The following KY variants were observed in gnomAD, a reference collection of about 807,000 sequenced individuals.
The protein encoded by KY is kyphoscoliosis peptidase.
A neutral mutation model predicts 76.1 loss-of-function variants in KY; 43 were observed. The ratio of observed to expected loss-of-function variants is 0.57; its 90% CI spans 0.44 to 0.73. The LOEUF (loss-of-function observed/expected upper bound fraction) is 0.73. Ranked by LOEUF, KY falls within the 30% of genes least tolerant of loss-of-function variation. The pLI is 0.00. For synonymous variants in KY, 277 were observed against 326.2 expected (o/e 0.85, Z 1.63); for missense variants, 722 against 828.9 (o/e 0.87, Z 1.58).
chr3:134,639,085 T>TTC (rs1553816095), intron 3 of KY, among the ~76,000 whole-genome samples: 1 of 151,226 alleles, frequency 6.6e-6, no homozygotes, highest in African/African-American at 2.4e-5. Context: ...TTTTTTTTTT[T>TTC]CCTGCAGTAG....
chr3:134,626,505 T>C (rs1468831807), intron 5 of KY, among the ~76,000 whole-genome samples: 3 of 152,124 alleles, frequency 2.0e-5, no homozygotes, highest in Admixed American at 1.3e-4. Context: ...CCTCTGCAGG[T>C]ACATGCAGGG....
intron 2 of KY, 73 bp from the exon 3 acceptor site, chr3:134,643,451 G>A: frequency 3.0e-6 from 4 of 1,333,512 alleles, no homozygotes; most frequent in Non-Finnish European, 3.2e-6. Flanking sequence ...AGAGCTGTAT[G>A]TGTTTGCGGG....
In KY at chr3:134,603,301, G is replaced by C; in HGVS notation, c.*278C>G. On this transcript the variant is annotated 3_prime_UTR_variant, in exon 11 of 11. Transcript: ENST00000423778. The stretch of plus-strand genomic sequence containing the variant: ...AGCACTAATACGAGAAGGGGCATCT[G>C]GATGCAGGTGTACAGTTTACAATAC... The C allele has an allele frequency of 3.2e-6, 1 of 316,538 alleles. No homozygotes were observed. The highest frequency in any genetic ancestry group is 5.8e-6 in the Non-Finnish European group (1 of 173,216). 19.6% of individuals were successfully genotyped at this position (316,538 alleles called of 1,614,324 possible).
intron 6 of KY, among the ~76,000 whole-genome samples, chr3:134,622,324 G>A (rs536245447): frequency 8.7e-4 from 132 of 152,268 alleles, no homozygotes; most frequent in Middle Eastern, 3.4e-3. Flanking sequence ...ATCCATGAAT[G>A]AAAGGATAAA....
In KY at chr3:134,603,715, A is replaced by G; in HGVS notation, c.1850T>C (p.Leu617Pro). 1 of 1,613,788 alleles carries G rather than the reference A, an allele frequency of 6.2e-7. No individual in the cohort carries two copies. The highest frequency in any genetic ancestry group is 8.5e-7 in the Non-Finnish European group (1 of 1,179,778). Residue 617 changes from leucine to proline, a missense_variant, in exon 11 of 11, where the codon CTG (leucine) becomes CCG (proline). Leu to Pro is a moderately conservative substitution (Grantham distance 98, BLOSUM62 -3). Around this residue, in one of 2 missense-constraint regions of KY, gnomAD observed 552 missense variants for 680.9 expected, o/e 0.81. Transcript: ENST00000423778. The part of the protein sequence containing the change: ...VLVKGQDTWP[L>P]TLNHEGYWEG... ...CCAGTAGCCCTCGTGGTTCAGGGTC[A>G]GGGGCCATGTGTCCTGCCCCTTCAC...
rs754372668 is a variant in KY at position 134,650,866 on chromosome 3, T to C, written c.95A>G (p.Asp32Gly). The change falls in exon 1 of 11, where the codon GAC becomes GGC. Residue 32 changes from aspartate to glycine, a missense_variant. By Grantham distance (94) the Asp-to-Gly change is moderately conservative. This residue lies in a region of KY where 170 missense variants were observed against 148.1 expected (regional missense o/e 1.15). Coordinates refer to ENST00000423778, the MANE Select transcript of KY (RefSeq NM_178554.6). ...KRRAAQGTLS[D>G]QQANPSSLLQ... The stretch of plus-strand genomic sequence containing the variant: ...CAGCGAGCTCGGGTTCGCCTGCTGG[T>C]CTGAGAGCGTACCCTGTGCGGCGCG... The C allele has an allele frequency of 1.2e-6, 2 of 1,611,634 alleles. No homozygotes were observed. Among genetic ancestry groups the C allele is most frequent in the African/African-American group, 2.7e-5 (2 of 74,700 alleles).
intron 3 of KY, among the ~76,000 whole-genome samples, chr3:134,631,690 A>G (rs1964260573): frequency 6.6e-6 from 1 of 152,184 alleles, no homozygotes; most frequent in African/African-American, 2.4e-5. Flanking sequence ...TACATATAAT[A>G]CATACAAAAA....
At chr3:134,608,886 G>A in intron 9 of KY, 47 bp from the exon 10 acceptor site, 1 of 1,565,774 alleles carries the variant, frequency 6.4e-7, no homozygotes, top group East Asian at 2.3e-5. Context: ...TGCAGGGGAG[G>A]CAGGGGCCCA....
chr3:134,600,037 TC>T lies in KY; in HGVS notation c.*3541del, dbSNP rs765699863. 3.3e-5 allele frequency among the ~76,000 whole-genome samples: 5 copies of T among 152,210 alleles called. No individual in the cohort carries two copies. The highest frequency in any genetic ancestry group is 7.3e-5 in the Non-Finnish European group (5 of 68,028). On this transcript the variant is annotated 3_prime_UTR_variant, in exon 11 of 11. Coordinates refer to ENST00000423778, the MANE Select transcript of KY (RefSeq NM_178554.6). ...TCAATGCACACATTATGAGAAGTAA[TC>T]ACCTCTTTCAATTGCCGACTACTTA...
At chr3:134,618,827 C>G (rs969410781) in intron 8 of KY, among the ~76,000 whole-genome samples, 2 of 152,182 alleles carry the variant, frequency 1.3e-5, no homozygotes, top group African/African-American at 4.8e-5. Flanking sequence ...ACTGTCCTCC[C>G]GCTCCCAGGC....
intron 3 of KY, among the ~76,000 whole-genome samples, chr3:134,640,543 A>G (rs2107987387): frequency 6.6e-6 from 1 of 152,284 alleles, no homozygotes. Flanking sequence ...TAGAGCTTCC[A>G]AGAAGGCTTC....
Position 134,604,473 on chromosome 3 carries a change from C to A in KY, c.1092G>T (p.Val364=). 1 of 1,600,162 alleles carries A rather than the reference C, an allele frequency of 6.2e-7. No homozygotes were observed. The highest frequency in any genetic ancestry group is 1.7e-5 in the Admixed American group (1 of 59,374). ...CAATGGTGACCGTGGCCTTCCCATT[C>A]ACTGAGGAGAGAAAGTCAGGGTCAG... The part of the protein sequence containing the change: ...AHPETSMIRT[V]NGKATVTIES... The change falls in exon 11 of 11, where the codon GTG becomes GTT. Residue 364 remains valine, a splice_region_variant and synonymous_variant. Coordinates refer to ENST00000423778, the MANE Select transcript of KY (RefSeq NM_178554.6).
Position 134,624,328 on chromosome 3 carries a change from T to C in KY, c.483+725A>G, listed in dbSNP as rs1267521533. On this transcript the variant is annotated intron_variant, in intron 6 of 10. Transcript: ENST00000423778. ...AGGACAGAAGGATGTCCTCAACTTA[T>C]GTCTTTGCTTCTCATCTGGCTTTCT... 4.6e-5 allele frequency among the ~76,000 whole-genome samples: 7 copies of C among 152,358 alleles called. No individual in the cohort carries two copies. In the South Asian group the frequency reaches 1.2e-3, roughly 27 times the overall value.
At chr3:134,624,228 C>T (rs930067729) in intron 6 of KY, among the ~76,000 whole-genome samples, 2 of 152,208 alleles carry the variant, frequency 1.3e-5, no homozygotes, top group East Asian at 3.8e-4. Flanking sequence ...TCCCCTCTGC[C>T]CCTAGCTCAG....
At chr3:134,620,082 G>A (rs949241269) in intron 7 of KY, 2 of 152,244 alleles carry the variant, frequency 1.3e-5, no homozygotes, top group South Asian at 2.1e-4. Flanking sequence ...AGTCCACCTC[G>A]TGATCTGGCC....
At chr3:134,650,698 TG>T (rs1348612025) in intron 1 of KY, 126 bp downstream of exon 1, 2 of 820,498 alleles carry the variant, frequency 2.4e-6, no homozygotes, top group Non-Finnish European at 3.6e-6. Flanking sequence ...ACGGCAGCCA[TG>T]GGGGAGAGGG....
intron 3 of KY, among the ~76,000 whole-genome samples, chr3:134,630,100 C>T (rs1964019350): frequency 6.6e-6 from 1 of 152,184 alleles, no homozygotes; most frequent in South Asian, 2.1e-4. Flanking sequence ...AAAGGCATTC[C>T]CAAACCCAGA....
chr3:134,647,743 T>G (rs1966603310), intron 1 of KY, among the ~76,000 whole-genome samples: 1 of 152,182 alleles, frequency 6.6e-6, no homozygotes, highest in Non-Finnish European at 1.5e-5. Context: ...TTAGGGAGAA[T>G]TTTTGTAGTA....
rs1488013248 is a variant in KY, at chr3:134,601,958, C to G, written c.*1621G>C. On this transcript the variant is annotated 3_prime_UTR_variant, in exon 11 of 11. Coordinates refer to ENST00000423778, the MANE Select transcript of KY (RefSeq NM_178554.6). ...GCAGGGGCCGGGCCCCCTTGGTTCACCTCTGTAGCCCAAGCATCTGGTACT... is the reference window on the plus strand; with the variant it reads ...GCAGGGGCCGGGCCCCCTTGGTTCAGCTCTGTAGCCCAAGCATCTGGTACT... 6.6e-6 allele frequency among the ~76,000 whole-genome samples: 1 copy of G among 152,234 alleles called. No individual in the cohort carries two copies. The highest frequency in any genetic ancestry group is 1.9e-4 in the East Asian group (1 of 5,196).
Sources: gnomAD v4.1 joint callset for allele counts (sites outside exome capture counted in the v4.1 genomes callset) on GRCh38, gnomAD v4.1.1 for gene constraint, gnomAD v4.1.1 regional missense constraint, MANE v1.5 for transcripts, NCBI Gene and HGNC (gene_info 2026-07-23, HGNC 2026-07-21) for gene names.